STAG2: variants seen among roughly 807,000 people sequenced by gnomAD.
The protein encoded by STAG2 is STAG2 cohesin complex component.
A neutral mutation model predicts 108.1 loss-of-function variants in STAG2; 14 were observed. The observed-to-expected ratio is 0.13, with a 90% CI of 0.09 to 0.20. The LOEUF (loss-of-function observed/expected upper bound fraction) is 0.20, where lower values mean the gene tolerates loss of function less well. Among genes scored for constraint, STAG2 ranks in the 10% least tolerant of loss-of-function variants. STAG2 has a pLI of 1.00. For missense variants in STAG2, 440 were observed against 940.9 expected (o/e 0.47, Z 6.96); for synonymous variants, 307 against 302.7 (o/e 1.01, Z -0.15).
intron 20 of STAG2, 142 bp downstream of exon 20, chrX:124,064,193 C>CT: frequency 2.2e-6 from 1 of 447,921 alleles, no homozygotes; most frequent in Non-Finnish European, 3.8e-6. Flanking sequence ...TTCTATGACT[C>CT]ATCAGGCTAC....
intron 11 of STAG2, among the ~76,000 whole-genome samples, chrX:124,050,613 G>T (rs538588310): frequency 9.1e-6 from 1 of 110,482 alleles, no homozygotes; most frequent in East Asian, 2.8e-4. Flanking sequence ...TTACGCTGTT[G>T]TTATCTGAGA....
intron 25 of STAG2, 113 bp downstream of exon 25, chrX:124,071,436 C>G (rs982687946): frequency 1.9e-4 from 111 of 582,711 alleles, no homozygotes; most frequent in Non-Finnish European, 2.3e-4. Context: ...AAACGTGAAA[C>G]ACAGGTATAT....
intron 15 of STAG2, 35 bp from the exon 16 acceptor site, chrX:124,061,189 T>C (rs766763507): frequency 1.9e-6 from 2 of 1,041,325 alleles, no homozygotes; most frequent in Non-Finnish European, 2.6e-6. Context: ...AGTATGATAA[T>C]TGTCTAAGAC....
intron 1 of STAG2, among the ~76,000 whole-genome samples, chrX:123,992,448 G>A (rs1161069225): frequency 9.1e-6 from 1 of 109,518 alleles, no homozygotes; most frequent in African/African-American, 3.3e-5. Context: ...AATTTCCGTA[G>A]CCTTTTTACT....
chrX:124,087,277 G>A (rs1394689282), intron 30 of STAG2, among the ~76,000 whole-genome samples: 1 of 112,024 alleles, frequency 8.9e-6, no homozygotes, highest in Non-Finnish European at 1.9e-5. Context: ...GCATTATGAC[G>A]CTTGAAGCTC....
At chrX:124,098,324 A>T (rs1260806320) in intron 34 of STAG2, among the ~76,000 whole-genome samples, 2 of 111,547 alleles carry the variant, frequency 1.8e-5, no homozygotes, top group African/African-American at 3.3e-5. Flanking sequence ...ATGCTCAGTA[A>T]TCTTTAAAGG....
intron 6 of STAG2, among the ~76,000 whole-genome samples, chrX:124,041,594 A>C (rs910623330): frequency 4.5e-5 from 5 of 111,267 alleles, no homozygotes; most frequent in African/African-American, 1.6e-4. Flanking sequence ...AAGACTAGTA[A>C]GCAAATAATT....
chrX:124,100,741 T>C lies in STAG2; in HGVS notation c.*144T>C, dbSNP rs2059493396. On this transcript the variant is annotated 3_prime_UTR_variant, in exon 35 of 35. Transcript: ENST00000371145. ...CTTATGCTTACCAAGATCAAGTGCA[T>C]TGAGGGGCAGTTTTGTTTGCCTGAA... 1 of 396,514 alleles carries C rather than the reference T, an allele frequency of 2.5e-6. No homozygotes were observed. Among genetic ancestry groups the C allele is most frequent in the Non-Finnish European group, 4.4e-6 (1 of 229,836 alleles). 32.7% of individuals were successfully genotyped at this position (396,514 alleles called of 1,213,427 possible). A position where few individuals can be genotyped will look rare whatever the true frequency, so the allele number is the denominator to read the frequency against.
rs138093007 is a variant in STAG2 at position 124,049,194 on chromosome X, A to G, written c.893+116A>G. 1,096 of 549,480 alleles carry G rather than the reference A, an allele frequency of 2.0e-3. 8 individuals carry two copies. In the African/African-American group the frequency reaches 0.021, roughly 11 times the overall value. 45.3% of individuals were successfully genotyped at this position (549,480 alleles called of 1,213,427 possible). ...CAGGAAGAATGTTATAGTAAAATCA[A>G]TGTTAGACTCCATTAGTGCCACTGA... On this transcript the variant is annotated intron_variant, in intron 10 of 34. Coordinates refer to ENST00000371145, the MANE Select transcript of STAG2 (RefSeq NM_001042750.2).
chrX:124,068,034 CA>C (rs11366862), intron 23 of STAG2, among the ~76,000 whole-genome samples: 16,555 of 90,370 alleles, frequency 0.18, 1,116 homozygotes, highest in South Asian at 0.33. Flanking sequence ...AGCTCCATCT[CA>C]AAAAAAAAAA....
chrX:124,009,836 T>C (rs2056460642), intron 1 of STAG2, among the ~76,000 whole-genome samples: 1 of 112,276 alleles, frequency 8.9e-6, no homozygotes, highest in Non-Finnish European at 1.9e-5. Flanking sequence ...TTCCATGTTT[T>C]TTTGGAAAAG....
chrX:124,081,233 T>A (rs1289741872), intron 27 of STAG2, 147 bp from the exon 28 acceptor site: 3 of 373,200 alleles, frequency 8.0e-6, no homozygotes, highest in Non-Finnish European at 1.3e-5. Context: ...GCACTTTTGG[T>A]CATTTGCATC....
At position 124,017,363 on chromosome X, in the gene STAG2, C is replaced by G. The variant is rs769438712; in HGVS notation, c.-162-4004C>G. Among the ~76,000 whole-genome samples the G allele has an allele frequency of 3.4e-4, 37 of 110,057 alleles. No individual in the cohort carries two copies. The Admixed American group carries it at 3.4e-3, about 10-fold the overall frequency. ...TAGCTGGGACTATAGGTGCACACCA[C>G]TGTGCCCAGCTAATTTTTGTATTTT... On this transcript the variant is annotated intron_variant, in intron 1 of 34. Coordinates refer to ENST00000371145, the MANE Select transcript of STAG2 (RefSeq NM_001042750.2).
rs776694665 is a variant in STAG2, at chrX:124,039,833, A to G, written c.385+2210A>G. On this transcript the variant is annotated intron_variant, in intron 6 of 34. Coordinates refer to ENST00000371145, the MANE Select transcript of STAG2 (RefSeq NM_001042750.2). ...TCTGAGTTGTAGTTTTTTTTAAAAC[A>G]AGGCCGCAGAGCATGTTCCCTTTGT... 1.2e-4 allele frequency among the ~76,000 whole-genome samples: 13 copies of G among 109,280 alleles called. No homozygotes were observed. The East Asian group carries it at 3.4e-3, about 29-fold the overall frequency. 94.9% of individuals were successfully genotyped at this position (109,280 alleles called of 115,157 possible).
chrX:124,096,357 C>T (rs1286534442), intron 34 of STAG2, among the ~76,000 whole-genome samples: 1 of 111,327 alleles, frequency 9.0e-6, no homozygotes, highest in Non-Finnish European at 1.9e-5. Context: ...TTTCCTGACT[C>T]CATAACTTTG....
chrX:124,063,146 T>C lies in STAG2; in HGVS notation c.1762T>C (p.Leu588=), dbSNP rs745384651. 6 of 1,206,740 alleles carry C rather than the reference T, an allele frequency of 5.0e-6. No individual in the cohort carries two copies. The highest frequency in any genetic ancestry group is 4.4e-5 in the Admixed American group (2 of 45,568). ...TGTAGATGCAGAAAAGGTGACTAACTTGTTGCAGTTGCCTCAGTACTTTGA... is the reference window on the plus strand; with the variant it reads ...TGTAGATGCAGAAAAGGTGACTAACCTGTTGCAGTTGCCTCAGTACTTTGA... ...YSVDAEKVTN[L]LQLPQYFDLE... is the part of the protein sequence containing the mutation. The change falls in exon 19 of 35, where the codon TTG becomes CTG. Residue 588 remains leucine (L), a synonymous_variant. Coordinates refer to ENST00000371145, the MANE Select transcript of STAG2 (RefSeq NM_001042750.2).
At chrX:124,097,624 G>A in intron 34 of STAG2, 1 of 291,470 alleles carries the variant, frequency 3.4e-6, no homozygotes, top group South Asian at 3.0e-5. Flanking sequence ...GTAGCTGAGA[G>A]TTTGGGTGAC....
chrX:124,020,896 TC>T (rs1289305331), intron 1 of STAG2, among the ~76,000 whole-genome samples: 1 of 111,682 alleles, frequency 9.0e-6, no homozygotes, highest in Non-Finnish European at 1.9e-5. Flanking sequence ...GGTCTGGAAC[TC>T]CTCACCTCAA....
chrX:124,058,087 G>T, intron 15 of STAG2, 110 bp downstream of exon 15: 1 of 292,256 alleles, frequency 3.4e-6, no homozygotes, highest in Non-Finnish European at 5.7e-6. Context: ...ATTGTGAATA[G>T]AATGGAGAGC....
Sources: allele counts gnomAD v4.1 joint callset (sites outside exome capture counted in the v4.1 genomes callset), GRCh38; gene constraint gnomAD v4.1.1; transcripts MANE v1.5; gene names NCBI Gene and HGNC (gene_info 2026-07-23, HGNC 2026-07-21).